The following ASIC2 variants were observed in gnomAD, a reference collection of about 807,000 sequenced individuals.
ASIC2 encodes the protein acid-sensing ion channel 2.
ASIC2 carries 25 observed loss-of-function variants against 57.3 expected under a neutral mutation model. That is an observed-to-expected ratio of 0.44 (90% CI 0.32 to 0.61). The LOEUF (loss-of-function observed/expected upper bound fraction) is 0.61. Ranked by LOEUF, ASIC2 falls within the 20% of genes least tolerant of loss-of-function variation. ASIC2 has a pLI of 0.06. For missense variants in ASIC2, 641 were observed against 738.1 expected (o/e 0.87, Z 1.52); for synonymous variants, 319 against 307.5 (o/e 1.04, Z -0.39).
chr17:34,051,837 A>G (rs1425453902), intron 1 of ASIC2: 1 of 128,888 alleles, frequency 7.8e-6, no homozygotes. Context: ...ACACACACAC[A>G]CACACACACA....
At chr17:33,603,354 T>C (rs1474235816) in intron 1 of ASIC2, among the ~76,000 whole-genome samples, 2 of 152,166 alleles carry the variant, frequency 1.3e-5, no homozygotes, top group Admixed American at 6.5e-5. Flanking sequence ...TACACACTGC[T>C]TGGAAGGAGC....
intron 1 of ASIC2, among the ~76,000 whole-genome samples, chr17:33,610,054 G>GCGCACACACACACACACACA (rs375575593): frequency 3.5e-5 from 5 of 144,734 alleles, no homozygotes; most frequent in African/African-American, 7.8e-5. Context: ...GGACAGAGGC[G>GCGCACACACACACACACACA]CACACACACA....
At chr17:33,075,309 A>C (rs964727668) in intron 3 of ASIC2, among the ~76,000 whole-genome samples, 1 of 152,136 alleles carries the variant, frequency 6.6e-6, no homozygotes, top group African/African-American at 2.4e-5. Flanking sequence ...CCCTAGACAC[A>C]TGGAAATGTG....
chr17:33,683,965 G>A (rs1312492560), intron 1 of ASIC2, among the ~76,000 whole-genome samples: 1 of 152,180 alleles, frequency 6.6e-6, no homozygotes, highest in Non-Finnish European at 1.5e-5. Context: ...TCCAACGTAC[G>A]AATTTAGGGG....
chr17:33,969,743 C>T (rs1231119471), intron 1 of ASIC2, among the ~76,000 whole-genome samples: 3 of 152,166 alleles, frequency 2.0e-5, no homozygotes, highest in African/African-American at 7.2e-5. Flanking sequence ...GGCACTTCTG[C>T]TCTGTCCTGC....
intron 1 of ASIC2, among the ~76,000 whole-genome samples, chr17:33,859,047 A>G (rs1316758110): frequency 3.3e-5 from 5 of 152,260 alleles, no homozygotes; most frequent in African/African-American, 9.6e-5. Context: ...TCTGCTGAGT[A>G]TGTACTACAT....
chr17:33,833,513 CGT>C (rs142945917), intron 1 of ASIC2, among the ~76,000 whole-genome samples: 25 of 148,986 alleles, frequency 1.7e-4, no homozygotes, highest in African/African-American at 2.2e-4. Context: ...TGTGTATGTG[CGT>C]GTGTGTGTGT....
intron 1 of ASIC2, among the ~76,000 whole-genome samples, chr17:33,220,921 A>T (rs1027369629): frequency 6.6e-6 from 1 of 152,010 alleles, no homozygotes; most frequent in Admixed American, 6.6e-5. Flanking sequence ...AAAATTCAAA[A>T]ATTAGCTGGA....
At chr17:33,129,161 T>G (rs192274145) in intron 1 of ASIC2, among the ~76,000 whole-genome samples, 152 of 152,356 alleles carry the variant, frequency 1.0e-3, no homozygotes, top group Middle Eastern at 3.4e-3. Flanking sequence ...GGCCCTGCCC[T>G]ATAGAGCCAG....
chr17:33,733,453 C>T (rs746826071), intron 1 of ASIC2, among the ~76,000 whole-genome samples: 6 of 152,174 alleles, frequency 3.9e-5, no homozygotes, highest in Non-Finnish European at 8.8e-5. Flanking sequence ...TCCTGGACAA[C>T]TAGGAGAGTT....
At chr17:33,241,192 C>T (rs1417287642) in intron 1 of ASIC2, among the ~76,000 whole-genome samples, 4 of 152,170 alleles carry the variant, frequency 2.6e-5, no homozygotes, top group Admixed American at 6.5e-5. Flanking sequence ...CTCTTAAATG[C>T]CACCCTGTTT....
At chr17:33,210,772 A>G (rs1907238143) in intron 1 of ASIC2, among the ~76,000 whole-genome samples, 1 of 152,190 alleles carries the variant, frequency 6.6e-6, no homozygotes, top group Non-Finnish European at 1.5e-5. Context: ...GACCCTGCCT[A>G]GATGCTCCCT....
chr17:34,146,080 C>T (rs962757344), intron 1 of ASIC2, among the ~76,000 whole-genome samples: 3 of 152,110 alleles, frequency 2.0e-5, no homozygotes, highest in East Asian at 1.9e-4. Context: ...CTCAGCTCTT[C>T]GGAGAAGGGA....
At chr17:33,917,713 T>C (rs926647558) in intron 1 of ASIC2, among the ~76,000 whole-genome samples, 1 of 152,202 alleles carries the variant, frequency 6.6e-6, no homozygotes, top group Admixed American at 6.5e-5. Context: ...AAAATAAATA[T>C]AATTCAACAA....
intron 1 of ASIC2, among the ~76,000 whole-genome samples, chr17:34,044,887 A>C (rs1567799311): frequency 6.6e-6 from 1 of 152,104 alleles, no homozygotes; most frequent in Non-Finnish European, 1.5e-5. Context: ...TATTACTTGG[A>C]GTTACTCTGA....
chr17:33,394,056 G>A (rs1266597903), intron 1 of ASIC2, among the ~76,000 whole-genome samples: 5 of 152,198 alleles, frequency 3.3e-5, no homozygotes, highest in Non-Finnish European at 7.3e-5. Flanking sequence ...CGCATAAAGA[G>A]TTTAGCACAC....
intron 1 of ASIC2, among the ~76,000 whole-genome samples, chr17:33,675,322 A>C (rs187178612): frequency 5.3e-5 from 8 of 152,274 alleles, no homozygotes; most frequent in Middle Eastern, 3.4e-3. Flanking sequence ...TAGGAATGTG[A>C]GAGGTACCAG....
At chr17:33,419,857 A>G (rs1910984230) in intron 1 of ASIC2, among the ~76,000 whole-genome samples, 1 of 152,100 alleles carries the variant, frequency 6.6e-6, no homozygotes, top group African/African-American at 2.4e-5. Flanking sequence ...ACTATCTTTG[A>G]GACATATTAA....
chr17:33,458,989 T>G (rs1567619208), intron 1 of ASIC2, among the ~76,000 whole-genome samples: 1 of 152,132 alleles, frequency 6.6e-6, no homozygotes, highest in African/African-American at 2.4e-5. Flanking sequence ...CTGGAAAACC[T>G]CCACGTTGTC....
Sources: gnomAD v4.1 joint callset for allele counts (sites outside exome capture counted in the v4.1 genomes callset) on GRCh38, gnomAD v4.1.1 for gene constraint, MANE v1.5 for transcripts, NCBI Gene and HGNC (gene_info 2026-07-23, HGNC 2026-07-21) for gene names.